CHRNB4: variants seen among roughly 807,000 people sequenced by gnomAD.
The protein encoded by CHRNB4 is neuronal acetylcholine receptor subunit beta-4.
CHRNB4 carries 23 observed loss-of-function variants against 40.4 expected under a neutral mutation model. The observed-to-expected ratio is 0.57, with a 90% CI of 0.41 to 0.81. CHRNB4 has a LOEUF of 0.81. CHRNB4 is among the 30% of genes least tolerant of loss of function. CHRNB4 has a pLI of 0.00. For synonymous variants in CHRNB4, 285 were observed against 274.4 expected (o/e 1.04, Z -0.38); for missense variants, 568 against 670.6 (o/e 0.85, Z 1.69).
upstream of CHRNB4, chr15:78,641,372 T>C: frequency 6.6e-6 from 3 of 454,288 alleles, no homozygotes; most frequent in Non-Finnish European, 1.2e-5. Context: ...CTGGCTTCCC[T>C]ATCTCTTCGG....
Position 78,629,803 on chromosome 15 carries a change from T to G in CHRNB4, c.502A>C (p.Thr168Pro), listed in dbSNP as rs1288701280. Reference sequence around the variant, plus strand: ...TAGGTCCAGGAGCGGAACTTGAGGGTGCAGTTCTGCTGGTCGAAGGGAAAG... The same window carrying G: ...TAGGTCCAGGAGCGGAACTTGAGGGGGCAGTTCTGCTGGTCGAAGGGAAAG... ...KYFPFDQQNC[T>P]LKFRSWTYDH... The change falls in exon 5 of 6, where the codon ACC becomes CCC. Residue 168 changes from threonine to proline, a missense_variant. Thr to Pro is a conservative substitution (Grantham distance 38). Transcript: ENST00000261751. This position sits in a 1 kb window ranked among gnomAD's most constrained non-coding sequence, Gnocchi z 6.8. 1.2e-6 allele frequency: 2 copies of G among 1,614,124 alleles called. No homozygotes were observed. Among genetic ancestry groups the G allele is most frequent in the Non-Finnish European group, 1.7e-6 (2 of 1,180,024 alleles).
chr15:78,646,436 A>T (rs2054123877), intron 7 of CHRNB4, among the ~76,000 whole-genome samples: 1 of 152,246 alleles, frequency 6.6e-6, no homozygotes, highest in Non-Finnish European at 1.5e-5. Context: ...ACATAGGAGG[A>T]TATCATTATG....
At chr15:78,658,679 G>A (rs2054232064) in intron 1 of CHRNB4, among the ~76,000 whole-genome samples, 1 of 152,154 alleles carries the variant, frequency 6.6e-6, no homozygotes, top group Non-Finnish European at 1.5e-5. Flanking sequence ...AGTGCTTCCT[G>A]CATACCAGGA....
chr15:78,648,077 G>A (rs796862688), intron 7 of CHRNB4, among the ~76,000 whole-genome samples: 14 of 151,886 alleles, frequency 9.2e-5, no homozygotes, highest in African/African-American at 3.4e-4. Context: ...TCGTGGATGA[G>A]ATTAGTGCTT....
Position 78,629,898 on chromosome 15 carries a change from C to T in CHRNB4, c.407G>A (p.Arg136Gln), listed in dbSNP as rs56095004. ...CAGCCACAGGACGCTGCCGTTGGAC[C>T]GGACTATCAAGTTGGTGTAGACAGA... ...EVSVYTNLIVRSNGSVLWLPP... is the reference protein window; with the variant it reads ...EVSVYTNLIVQSNGSVLWLPP... The change falls in exon 5 of 6, where the codon CGG becomes CAG. Residue 136 changes from arginine (R) to glutamine (Q), a missense_variant. By Grantham distance (43) the Arg-to-Gln change is conservative. This residue lies in a region of CHRNB4 where 127 missense variants were observed against 167.4 expected (regional missense o/e 0.76). Coordinates refer to ENST00000261751, the MANE Select transcript of CHRNB4 (RefSeq NM_000750.5). This position sits in a 1 kb window ranked among gnomAD's most constrained non-coding sequence, Gnocchi z 6.8. The T allele has an allele frequency of 7.9e-3, 12,749 of 1,610,264 alleles. 60 individuals are homozygous for T. The highest frequency in any genetic ancestry group is 9.4e-3 in the Non-Finnish European group (11,061 of 1,179,216).
At position 78,625,126 on chromosome 15, in the gene CHRNB4, G is replaced by A; in HGVS notation, c.*7C>T. 6.2e-7 allele frequency: 1 copy of A among 1,614,034 alleles called. No individual in the cohort carries two copies. The highest frequency in any genetic ancestry group is 1.1e-5 in the South Asian group (1 of 91,084). On this transcript the variant is annotated 3_prime_UTR_variant, in exon 6 of 6. Coordinates refer to ENST00000261751, the MANE Select transcript of CHRNB4 (RefSeq NM_000750.5). ...CACATCCTCTCACCCCACAACCCAG[G>A]GGGCCCTCAGTCACGCTGGGCAGCG...
chr15:78,624,747 GA>G lies in CHRNB4; in HGVS notation c.*385del, dbSNP rs2053611643. ...AAATGCCAAGCCTCTGAGCTGGGAA[GA>G]ATCTAGAAGTGTGTGAGGAACTGGA... On this transcript the variant is annotated 3_prime_UTR_variant, in exon 6 of 6. Transcript: ENST00000261751. The G allele has an allele frequency of 2.3e-6, 1 of 439,080 alleles. No individual in the cohort carries two copies. Among genetic ancestry groups the G allele is most frequent in the Admixed American group, 3.9e-5 (1 of 25,322 alleles). 27.2% of individuals were successfully genotyped at this position (439,080 alleles called of 1,614,324 possible).
intron 5 of CHRNB4, among the ~76,000 whole-genome samples, chr15:78,653,538 G>A (rs1224642551): frequency 6.6e-6 from 1 of 152,196 alleles, no homozygotes; most frequent in African/African-American, 2.4e-5. Flanking sequence ...CCTGCTGGGT[G>A]TTTTTCTTCC....
intron 6 of CHRNB4, among the ~76,000 whole-genome samples, chr15:78,650,973 G>A (rs974880148): frequency 6.6e-5 from 10 of 152,134 alleles, no homozygotes; most frequent in Admixed American, 2.0e-4. Context: ...AGAAAATGAT[G>A]GCATTAGCAT....
upstream of CHRNB4, chr15:78,661,054 T>G: frequency 1.7e-6 from 1 of 589,758 alleles, no homozygotes; most frequent in South Asian, 1.4e-5. Flanking sequence ...GTTTTTGTAG[T>G]CTCGGCTGGC....
chr15:78,629,819 G>T lies in CHRNB4; in HGVS notation c.486C>A (p.Phe162Leu), dbSNP rs80249872. Residue 162 changes from phenylalanine (F) to leucine (L), a missense_variant, in exon 5 of 6, where the codon TTC becomes TTA. Phe to Leu is a conservative substitution (Grantham distance 22, BLOSUM62 0). Around this residue, in one of 4 missense-constraint regions of CHRNB4, gnomAD observed 127 missense variants for 167.4 expected, o/e 0.76. Coordinates refer to ENST00000261751, the MANE Select transcript of CHRNB4 (RefSeq NM_000750.5). This position sits in a 1 kb window ranked among gnomAD's most constrained non-coding sequence, Gnocchi z 6.8. ...ACTTGAGGGTGCAGTTCTGCTGGTC[G>T]AAGGGAAAGTACTTCACCTCAATCT... ...ACKIEVKYFP[F>L]DQQNCTLKFR... is the part of the protein sequence containing the mutation. 10 of 1,614,118 alleles carry T rather than the reference G, an allele frequency of 6.2e-6. No homozygotes were observed.
intron 1 of CHRNB4, among the ~76,000 whole-genome samples, chr15:78,658,743 A>G (rs1451581177): frequency 6.7e-6 from 1 of 149,696 alleles, no homozygotes; most frequent in African/African-American, 2.6e-5. Context: ...GAAGAGGGGG[A>G]AAAAAAAGCC....
rs1273344514 is a variant in CHRNB4, at chr15:78,641,126, C to T, written c.8G>A (p.Arg3His). The T allele has an allele frequency of 3.2e-6, 5 of 1,568,958 alleles. No individual in the cohort carries two copies. The highest frequency in any genetic ancestry group is 3.5e-6 in the Non-Finnish European group (4 of 1,158,818). ...GAAGAAAAGGACCAGGGAAGGCGCG[C>T]GCCTCATGGCCGGCGGGGCCGGGTG... is the stretch of plus-strand genomic sequence containing the variant. MRRAPSLVLFFLV... is the reference protein window; with the variant it reads MRHAPSLVLFFLV... Residue 3 changes from arginine (R) to histidine (H), a missense_variant, in exon 1 of 6, where the codon CGC becomes CAC. Arg to His is a conservative substitution (Grantham distance 29, BLOSUM62 0). Coordinates refer to ENST00000261751, the MANE Select transcript of CHRNB4 (RefSeq NM_000750.5).
At chr15:78,634,730 A>C in intron 2 of CHRNB4, 2 of 455,946 alleles carry the variant, frequency 4.4e-6, no homozygotes, top group Non-Finnish European at 8.8e-6. Flanking sequence ...CCAGGGACGG[A>C]GTTCTAACCC....
chr15:78,640,975 T>TC, intron 1 of CHRNB4, 104 bp downstream of exon 1: 1 of 1,303,430 alleles, frequency 7.7e-7, no homozygotes, highest in East Asian at 2.8e-5. Flanking sequence ...CTCGGGCCAC[T>TC]CCCCCGGGCG....
intron 2 of CHRNB4, 50 bp from the exon 3 acceptor site, chr15:78,631,382 A>G (rs775503709): frequency 6.3e-6 from 10 of 1,582,354 alleles, no homozygotes; most frequent in South Asian, 1.1e-5. Context: ...GGAGCCTCAC[A>G]AATGGATTGC....
chr15:78,660,039 T>C (rs2054239617), intron 1 of CHRNB4, among the ~76,000 whole-genome samples: 1 of 151,954 alleles, frequency 6.6e-6, no homozygotes, highest in Non-Finnish European at 1.5e-5. Flanking sequence ...AAACCCCTTC[T>C]CTACTAATAA....
Position 78,624,152 on chromosome 15 carries a change from G to C in CHRNB4, c.*981C>G, listed in dbSNP as rs1166812292. The stretch of plus-strand genomic sequence containing the variant: ...TTATTGAGCACCTACTGTGTGCCAA[G>C]CTCTGTCCTAGGCCCTGGGGATACT... On this transcript the variant is annotated 3_prime_UTR_variant, in exon 6 of 6. Coordinates refer to ENST00000261751, the MANE Select transcript of CHRNB4 (RefSeq NM_000750.5). The C allele has an allele frequency of 1.3e-5, 2 of 152,284 alleles. No individual in the cohort carries two copies. The highest frequency in any genetic ancestry group is 4.1e-4 in the South Asian group (2 of 4,838). The allele number at this position is 152,284 out of a possible 1,614,324, so 9.4% of individuals were successfully genotyped here.
At chr15:78,642,612 A>G (rs997933594), upstream of CHRNB4, among the ~76,000 whole-genome samples, 1 of 152,196 alleles carries the variant, frequency 6.6e-6, no homozygotes. Context: ...TACATCCCCA[A>G]TATACCCAGG....
Sources: gnomAD v4.1 joint callset for allele counts (sites outside exome capture counted in the v4.1 genomes callset) on GRCh38, gnomAD v4.1.1 for gene constraint, gnomAD v4.1.1 regional missense constraint, Gnocchi (gnomAD v3.1) non-coding constraint, MANE v1.5 for transcripts, NCBI Gene and HGNC (gene_info 2026-07-23, HGNC 2026-07-21) for gene names.